Variants in KDM5A observed in about 807,000 individuals in gnomAD.
KDM5A encodes lysine demethylase 5A.
In KDM5A, 42 loss-of-function variants were observed where a neutral mutation model predicts 193.5. The ratio of observed to expected loss-of-function variants is 0.22; its 90% CI spans 0.17 to 0.28. The LOEUF (loss-of-function observed/expected upper bound fraction) is 0.28. Ranked by LOEUF, KDM5A falls within the 10% of genes least tolerant of loss-of-function variation. KDM5A has a pLI of 1.00. For synonymous variants in KDM5A, 796 were observed against 718.1 expected, an observed-to-expected ratio of 1.11 and a Z score of -1.73; for missense variants, 1,692 against 2,055.1, an observed-to-expected ratio of 0.82 and a Z score of 3.42.
intron 13 of KDM5A, 117 bp downstream of exon 13, chr12:331,702 C>T (rs1591916936): frequency 9.5e-7 from 1 of 1,053,024 alleles, no homozygotes; most frequent in Non-Finnish European, 1.5e-6. Context: ...CTCCAGTCTC[C>T]ACTAAAATAC....
At chr12:308,134 C>G (rs1943536387) in intron 22 of KDM5A, 129 bp from the exon 23 acceptor site, 1 of 972,486 alleles carries the variant, frequency 1.0e-6, no homozygotes, top group Non-Finnish European at 1.6e-6. Flanking sequence ...TGTGGGGCCC[C>G]TGGCGGTTTC....
At position 295,719 on chromosome 12, in the gene KDM5A, A is replaced by G. The variant is rs1202961633; in HGVS notation, c.4309T>C (p.Leu1437=). 1 of 1,613,600 alleles carries G rather than the reference A, an allele frequency of 6.2e-7. No homozygotes were observed. The highest frequency in any genetic ancestry group is 8.5e-7 in the Non-Finnish European group (1 of 1,179,886). The stretch of plus-strand genomic sequence containing the variant: ...AGTTGTGCCTTAGCTCCAGGTGACA[A>G]CTCCAGCACTGGAGGTTCCAAACTT... ...PRSLEPPVLE[L]SPGAKAQLEE... The change falls in exon 26 of 28, where the codon TTG becomes CTG. Residue 1437 remains leucine, a synonymous_variant. Coordinates refer to ENST00000399788, the MANE Select transcript of KDM5A (RefSeq NM_001042603.3).
At chr12:312,986 A>T (rs1241842377) in intron 20 of KDM5A, 70 bp downstream of exon 20, 5 of 1,432,240 alleles carry the variant, frequency 3.5e-6, no homozygotes, top group East Asian at 4.5e-5. Flanking sequence ...CTAAAGAATT[A>T]ATAGTTTAAA....
intron 10 of KDM5A, among the ~76,000 whole-genome samples, chr12:344,084 G>C (rs943093084): frequency 1.3e-5 from 2 of 152,202 alleles, no homozygotes; most frequent in African/African-American, 4.8e-5. Flanking sequence ...ACCTGATGGA[G>C]CTGAAAACCA....
intron 10 of KDM5A, among the ~76,000 whole-genome samples, chr12:349,140 C>A (rs1279612693): frequency 1.3e-5 from 2 of 151,366 alleles, no homozygotes; most frequent in East Asian, 3.9e-4. Flanking sequence ...CCTGCCTTAG[C>A]CTCCCAAGTA....
chr12:348,680 G>A (rs1310155482), intron 10 of KDM5A, among the ~76,000 whole-genome samples: 3 of 151,720 alleles, frequency 2.0e-5, no homozygotes, highest in East Asian at 3.9e-4. Flanking sequence ...CAAAAACCAC[G>A]TGTTCTCACT....
At chr12:372,777 A>G (rs1944446421) in intron 3 of KDM5A, among the ~76,000 whole-genome samples, 1 of 152,114 alleles carries the variant, frequency 6.6e-6, no homozygotes, top group South Asian at 2.1e-4. Flanking sequence ...TCAATACCTA[A>G]TTTATTGAGA....
intron 24 of KDM5A, among the ~76,000 whole-genome samples, chr12:298,060 T>C (rs534195346): frequency 6.6e-6 from 1 of 152,236 alleles, no homozygotes; most frequent in Admixed American, 6.5e-5. Flanking sequence ...GACTTATAGA[T>C]AAAACCCCCA....
chr12:356,530 G>A lies in KDM5A; in HGVS notation c.680C>T (p.Ser227Phe), dbSNP rs200306979. Residue 227 changes from serine to phenylalanine, a missense_variant, in exon 6 of 28, where the codon TCT (serine) becomes TTT (phenylalanine). By Grantham distance (155) the Ser-to-Phe change is radical. Transcript: ENST00000399788. ...TTCCGTGTTTCTACTCACATCTCCAGATTCTGACTAAAAAATAAGCAAAAT... is the reference window on the plus strand; with the variant it reads ...TTCCGTGTTTCTACTCACATCTCCAAATTCTGACTAAAAAATAAGCAAAAT... ...RTRRVKTQSE[S>F]GDVSRNTELK... 516 of 1,606,146 alleles carry A rather than the reference G, an allele frequency of 3.2e-4. 1 individual carries two copies. The highest frequency in any genetic ancestry group is 5.2e-4 in the Admixed American group (31 of 60,002).
At chr12:296,993 C>T in intron 25 of KDM5A, 48 bp downstream of exon 25, 2 of 1,579,696 alleles carry the variant, frequency 1.3e-6, no homozygotes, top group Admixed American at 1.7e-5. Context: ...TGCTTTTTCT[C>T]ATTGGTTTTC....
intron 10 of KDM5A, among the ~76,000 whole-genome samples, chr12:337,832 G>C (rs568027626): frequency 1.3e-5 from 2 of 152,112 alleles, no homozygotes; most frequent in Admixed American, 1.3e-4. Context: ...CAGTAGAGAT[G>C]GGGTTTCACC....
intron 3 of KDM5A, among the ~76,000 whole-genome samples, chr12:375,342 C>T (rs993675834): frequency 8.5e-5 from 13 of 152,078 alleles, no homozygotes; most frequent in Admixed American, 7.2e-4. Context: ...TCACTGATAC[C>T]CTTTCTTCCA....
intron 10 of KDM5A, 92 bp from the exon 11 acceptor site, chr12:334,514 T>G: frequency 2.2e-6 from 2 of 903,048 alleles, no homozygotes; most frequent in Non-Finnish European, 3.6e-6. Context: ...AATTTTTTTA[T>G]AATATTTATA....
At chr12:380,829 CTT>C (rs1412161994) in intron 3 of KDM5A, among the ~76,000 whole-genome samples, 3 of 151,888 alleles carry the variant, frequency 2.0e-5, no homozygotes, top group Admixed American at 6.6e-5. Context: ...CAGTTTCACT[CTT>C]GTTGCCCAGG....
intron 14 of KDM5A, among the ~76,000 whole-genome samples, chr12:327,882 C>T (rs1416328435): frequency 6.6e-6 from 1 of 152,092 alleles, no homozygotes; most frequent in Non-Finnish European, 1.5e-5. Context: ...GACATGGTAA[C>T]ACACACCTGC....
intron 20 of KDM5A, among the ~76,000 whole-genome samples, chr12:312,505 C>G (rs1428241394): frequency 6.6e-6 from 1 of 152,106 alleles, no homozygotes; most frequent in Non-Finnish European, 1.5e-5. Context: ...AGTTAAATAA[C>G]TAATTCCATC....
At chr12:350,803 C>A (rs2137449108) in intron 9 of KDM5A, 24 bp from the exon 10 acceptor site, 7 of 1,606,578 alleles carry the variant, frequency 4.4e-6, no homozygotes, top group Non-Finnish European at 6.0e-6. Flanking sequence ...AAAAAGATGA[C>A]AAATTATTAA....
intron 5 of KDM5A, among the ~76,000 whole-genome samples, chr12:361,385 G>A (rs982008392): frequency 6.6e-6 from 1 of 152,010 alleles, no homozygotes; most frequent in Non-Finnish European, 1.5e-5. Flanking sequence ...TAGTAGAGAC[G>A]GGATTTCACC....
chr12:314,683 A>C (rs922402529), intron 19 of KDM5A, among the ~76,000 whole-genome samples: 6 of 152,144 alleles, frequency 3.9e-5, no homozygotes, highest in Admixed American at 6.5e-5. Flanking sequence ...AACAAGACTT[A>C]ATCTGGAAAG....
Sources: gnomAD v4.1 joint callset for allele counts (sites outside exome capture counted in the v4.1 genomes callset) on GRCh38, gnomAD v4.1.1 for gene constraint, MANE v1.5 for transcripts, NCBI Gene and HGNC (gene_info 2026-07-23, HGNC 2026-07-21) for gene names.